GNB1: variants seen among roughly 807,000 people sequenced by gnomAD.
The protein encoded by GNB1 is guanine nucleotide-binding protein G(I)/G(S)/G(T) subunit beta-1.
In GNB1, 2 loss-of-function variants were observed where a neutral mutation model predicts 42.9. That is an observed-to-expected ratio of 0.05 (90% CI 0.02 to 0.15). The LOEUF is 0.15. GNB1 is among the 10% of genes least tolerant of loss of function. The pLI, the probability that GNB1 is intolerant of heterozygous loss-of-function variation, is 1.00. For synonymous variants in GNB1, 183 were observed against 174.7 expected, an observed-to-expected ratio of 1.05 and a Z score of -0.38; for missense variants, 193 against 462.2, an observed-to-expected ratio of 0.42 and a Z score of 5.34.
intron 7 of GNB1, among the ~76,000 whole-genome samples, chr1:1,797,900 T>C (rs1646568282): frequency 6.6e-6 from 1 of 152,170 alleles, no homozygotes; most frequent in African/African-American, 2.4e-5. Flanking sequence ...AAGTCAGCCA[T>C]GACCACGCCC....
At chr1:1,859,491 AC>A (rs1177289849) in intron 1 of GNB1, among the ~76,000 whole-genome samples, 2 of 151,860 alleles carry the variant, frequency 1.3e-5, no homozygotes. Context: ...CTTCAAACAA[AC>A]AAAAAAATTC....
At chr1:1,795,783 T>G (rs1646539119) in intron 7 of GNB1, among the ~76,000 whole-genome samples, 1 of 150,108 alleles carries the variant, frequency 6.7e-6, no homozygotes, top group African/African-American at 2.4e-5. Context: ...CTCATAGGTC[T>G]CAAAGATGAC....
At chr1:1,875,555 T>C (rs1165447937) in intron 1 of GNB1, among the ~76,000 whole-genome samples, 1 of 152,058 alleles carries the variant, frequency 6.6e-6, no homozygotes, top group Non-Finnish European at 1.5e-5. Context: ...CTGTCACAGG[T>C]TGGAGTGCAG....
intron 1 of GNB1, among the ~76,000 whole-genome samples, chr1:1,885,551 C>CTTT (rs60651257): frequency 2.1e-5 from 2 of 94,060 alleles, no homozygotes; most frequent in African/African-American, 3.5e-5. Flanking sequence ...TCCACTTAAT[C>CTTT]TTTTTTTTTT....
chr1:1,794,722 C>T (rs1308291264), intron 7 of GNB1, among the ~76,000 whole-genome samples: 3 of 152,184 alleles, frequency 2.0e-5, no homozygotes, highest in Non-Finnish European at 2.9e-5. Context: ...GACAGAGTCT[C>T]GTGCTGTCGC....
At chr1:1,866,871 G>T (rs754616668) in intron 1 of GNB1, among the ~76,000 whole-genome samples, 1 of 151,674 alleles carries the variant, frequency 6.6e-6, no homozygotes, top group Non-Finnish European at 1.5e-5. Flanking sequence ...GGAGAATGGC[G>T]TCAACCCGGG....
chr1:1,826,011 A>G (rs547017971), intron 2 of GNB1, among the ~76,000 whole-genome samples: 1 of 152,350 alleles, frequency 6.6e-6, no homozygotes, highest in Non-Finnish European at 1.5e-5. Context: ...TTTGCATAAT[A>G]TTACAATGTC....
Position 1,810,155 on chromosome 1 carries a change from T to C in GNB1, c.204-3617A>G, listed in dbSNP as rs1646755613. On this transcript the variant is annotated intron_variant, in intron 5 of 11. Transcript: ENST00000378609. The stretch of plus-strand genomic sequence containing the variant: ...ATCTCGGCTAACTGCAAGCTCTGCC[T>C]CCTGGGTTCATGCCATTCTCCTGCC... Among the ~76,000 whole-genome samples, 4 of 152,240 alleles carry C rather than the reference T, an allele frequency of 2.6e-5. No homozygotes were observed. In the South Asian group the frequency reaches 8.3e-4, roughly 32 times the overall value.
At chr1:1,885,657 C>T (rs1650110123) in intron 1 of GNB1, among the ~76,000 whole-genome samples, 3 of 147,740 alleles carry the variant, frequency 2.0e-5, no homozygotes, top group South Asian at 2.2e-4. Flanking sequence ...CCCGGGTTCA[C>T]GCCATTCTCC....
intron 7 of GNB1, among the ~76,000 whole-genome samples, chr1:1,800,769 A>G (rs1041858320): frequency 1.3e-5 from 2 of 152,006 alleles, no homozygotes; most frequent in South Asian, 2.1e-4. Context: ...AAAAAAAAAA[A>G]AAGAAAAATA....
rs377363204 is a variant in GNB1, at chr1:1,821,693, C to T, written c.57+3704G>A. ...GCAGCTAGGCGCCTCTCCTAGTGAA[C>T]GTCCCACCGCGGGGGCCATGACCTG... On this transcript the variant is annotated intron_variant, in intron 3 of 11. Coordinates refer to ENST00000378609, the MANE Select transcript of GNB1 (RefSeq NM_002074.5). Among the ~76,000 whole-genome samples, 45 of 152,324 alleles carry T rather than the reference C, an allele frequency of 3.0e-4. 1 individual carries two copies. In the East Asian group the frequency reaches 7.5e-3, roughly 25 times the overall value.
intron 5 of GNB1, among the ~76,000 whole-genome samples, chr1:1,807,619 G>C (rs941738086): frequency 6.6e-6 from 1 of 152,058 alleles, no homozygotes; most frequent in Non-Finnish European, 1.5e-5. Context: ...AACCAAAGGA[G>C]GCGTTCCCTC....
chr1:1,817,601 T>C (rs1268291197), intron 4 of GNB1: 15 of 396,160 alleles, frequency 3.8e-5, no homozygotes, highest in Non-Finnish European at 5.1e-5. Flanking sequence ...TTTACAACTA[T>C]TACCCTCTGT....
intron 1 of GNB1, among the ~76,000 whole-genome samples, chr1:1,875,412 C>G (rs1056985600): frequency 2.9e-4 from 44 of 152,274 alleles, no homozygotes; most frequent in Admixed American, 6.5e-5. Flanking sequence ...AGGCTGGTCT[C>G]AAACTCCTGG....
intron 5 of GNB1, among the ~76,000 whole-genome samples, chr1:1,807,016 A>C (rs1030054892): frequency 2.6e-5 from 4 of 151,996 alleles, no homozygotes; most frequent in Admixed American, 1.3e-4. Context: ...TAAATGTCAG[A>C]CCAACTTCAA....
intron 1 of GNB1, among the ~76,000 whole-genome samples, chr1:1,882,904 G>A (rs189960375): frequency 1.1e-3 from 159 of 150,680 alleles, no homozygotes; most frequent in Non-Finnish European, 1.7e-3. Flanking sequence ...CTGGGTGACA[G>A]GGCAAGACTC....
chr1:1,835,799 G>A (rs1297380384), intron 2 of GNB1, among the ~76,000 whole-genome samples: 1 of 151,788 alleles, frequency 6.6e-6, no homozygotes, highest in Non-Finnish European at 1.5e-5. Context: ...CAGGCCAGGT[G>A]CAGTGACTCA....
At chr1:1,880,050 G>C (rs934556582) in intron 1 of GNB1, among the ~76,000 whole-genome samples, 1 of 151,590 alleles carries the variant, frequency 6.6e-6, no homozygotes, top group Admixed American at 6.6e-5. Flanking sequence ...TCCTGCCTCA[G>C]CCTCCCCAGT....
chr1:1,862,843 A>G (rs910686588), intron 1 of GNB1, among the ~76,000 whole-genome samples: 1 of 152,216 alleles, frequency 6.6e-6, no homozygotes, highest in Non-Finnish European at 1.5e-5. Flanking sequence ...AAGGTATTAC[A>G]CGTAGGCATC....
Sources: allele counts gnomAD v4.1 joint callset (sites outside exome capture counted in the v4.1 genomes callset), GRCh38; gene constraint gnomAD v4.1.1; transcripts MANE v1.5; gene names NCBI Gene and HGNC (gene_info 2026-07-23, HGNC 2026-07-21).